USH2A: variants seen among roughly 807,000 people sequenced by gnomAD.
USH2A encodes Usher syndrome 2A (autosomal recessive, mild).
A neutral mutation model predicts 538.9 loss-of-function variants in USH2A; 443 were observed. The observed-to-expected ratio is 0.82, with a 90% CI of 0.76 to 0.89. The LOEUF (loss-of-function observed/expected upper bound fraction) is 0.89. Ranked by LOEUF, USH2A falls within the 40% of genes least tolerant of loss-of-function variation. USH2A has a pLI of 0.00. For synonymous variants in USH2A, 2,413 were observed against 2,273.5 expected (o/e 1.06, Z -1.75); for missense variants, 6,633 against 6,324.8 (o/e 1.05, Z -1.65).
intron 24 of USH2A, among the ~76,000 whole-genome samples, chr1:216,085,378 C>T (rs755321551): frequency 5.9e-5 from 9 of 151,500 alleles, no homozygotes; most frequent in Non-Finnish European, 1.2e-4. Flanking sequence ...GTAGAGGTGG[C>T]TTTATAAATA....
rs188240916 is a variant in USH2A at position 216,399,679 on chromosome 1, G to A, written c.651+18835C>T. On this transcript the variant is annotated intron_variant, in intron 3 of 71. Transcript: ENST00000307340. Reference sequence around the variant, plus strand: ...TGCAGCAACAAAGTAGTGTGAACAAGCAATGAATTTTTCCCTTCCGTGGCT... The same window carrying A: ...TGCAGCAACAAAGTAGTGTGAACAAACAATGAATTTTTCCCTTCCGTGGCT... 4.6e-5 allele frequency among the ~76,000 whole-genome samples: 7 copies of A among 152,198 alleles called. No individual in the cohort carries two copies. In the East Asian group the frequency reaches 1.4e-3, roughly 30 times the overall value.
chr1:216,289,209 G>A lies in USH2A; in HGVS notation c.1971+71C>T. ...GCAAATGCAGTCTTCAATTCTACTA[G>A]TGGAATAACATCCAAATAAGTTTCT... is the stretch of plus-strand genomic sequence containing the variant. On this transcript the variant is annotated intron_variant, in intron 11 of 71. Coordinates refer to ENST00000307340, the MANE Select transcript of USH2A (RefSeq NM_206933.4). 4 of 1,603,262 alleles carry A rather than the reference G, an allele frequency of 2.5e-6. No individual in the cohort carries two copies. The South Asian group carries it at 4.4e-5, about 18-fold the overall frequency.
At chr1:216,016,827 G>A (rs1668723414) in intron 32 of USH2A, among the ~76,000 whole-genome samples, 1 of 145,892 alleles carries the variant, frequency 6.9e-6, no homozygotes, top group South Asian at 2.3e-4. Flanking sequence ...CCAGCCTGCT[G>A]AGGGTTTTCA....
intron 21 of USH2A, among the ~76,000 whole-genome samples, chr1:216,150,883 C>T (rs1214941498): frequency 1.3e-5 from 2 of 152,162 alleles, no homozygotes; most frequent in Non-Finnish European, 2.9e-5. Context: ...TCCAACTACA[C>T]ACATCACTGA....
intron 21 of USH2A, among the ~76,000 whole-genome samples, chr1:216,141,881 C>T (rs1165071817): frequency 6.6e-6 from 1 of 150,550 alleles, no homozygotes; most frequent in Non-Finnish European, 1.5e-5. Context: ...TGAACACCTA[C>T]ATTAGACTAG....
At chr1:216,388,673 T>C (rs376944423) in intron 3 of USH2A, among the ~76,000 whole-genome samples, 44 of 152,334 alleles carry the variant, frequency 2.9e-4, no homozygotes, top group African/African-American at 8.4e-4. Flanking sequence ...CAAATGCAAA[T>C]GCAGTGTTAA....
chr1:215,650,453 GCTA>G (rs1380933573), intron 65 of USH2A, 136 bp downstream of exon 65: 1 of 985,660 alleles, frequency 1.0e-6, no homozygotes, highest in African/African-American at 1.6e-5. Flanking sequence ...GGATATTTGT[GCTA>G]CTAAGTTCAC....
chr1:215,795,386 G>C (rs1197680869), intron 50 of USH2A, among the ~76,000 whole-genome samples: 1 of 152,120 alleles, frequency 6.6e-6, no homozygotes, highest in Non-Finnish European at 1.5e-5. Context: ...CTTATGGTCT[G>C]TGTATAACCT....
chr1:215,990,760 CTTTTTTTT>C (rs35293238), intron 35 of USH2A, among the ~76,000 whole-genome samples: 23 of 114,572 alleles, frequency 2.0e-4, no homozygotes, highest in Non-Finnish European at 3.6e-4. Context: ...CTTAATTTTC[CTTTTTTTT>C]TTTTTTTTTT....
Position 216,209,959 on chromosome 1 carries a change from C to T in USH2A, c.3158-2528G>A, listed in dbSNP as rs528771340. On this transcript the variant is annotated intron_variant, in intron 15 of 71. Transcript: ENST00000307340. ...GAAACTAAAAATATACTCTAATGTT[C>T]CTCCACCTTTCTGTCTTAGAGCCGG... 1.6e-4 allele frequency among the ~76,000 whole-genome samples: 25 copies of T among 152,228 alleles called. No individual in the cohort carries two copies. The South Asian group carries it at 4.8e-3, about 29-fold the overall frequency.
chr1:215,993,761 G>A (rs1457424419), intron 34 of USH2A, among the ~76,000 whole-genome samples: 2 of 152,082 alleles, frequency 1.3e-5, no homozygotes, highest in African/African-American at 4.8e-5. Context: ...AATGTTTAAT[G>A]GCTTAAAGGA....
rs183190521 is a variant in USH2A at position 216,007,572 on chromosome 1, C to T, written c.6326-7010G>A. Among the ~76,000 whole-genome samples the T allele has an allele frequency of 2.2e-3, 331 of 152,258 alleles. 1 individual carries two copies. Among genetic ancestry groups the T allele is most frequent in the Non-Finnish European group, 3.9e-3 (262 of 68,018 alleles). ...CTGTTTTCAAGGTAGAGTCCCAGGT[C>T]GGGGGCAAGACCAGAGCAAAAAGAA... is the stretch of plus-strand genomic sequence containing the variant. On this transcript the variant is annotated intron_variant, in intron 32 of 71. Transcript: ENST00000307340.
intron 9 of USH2A, among the ~76,000 whole-genome samples, chr1:216,302,697 T>C (rs1366081020): frequency 1.3e-5 from 2 of 152,126 alleles, no homozygotes; most frequent in African/African-American, 2.4e-5. Context: ...ACTATTAATA[T>C]AAGTGGCTAT....
At chr1:215,977,861 C>A (rs1235572741) in intron 35 of USH2A, among the ~76,000 whole-genome samples, 1 of 152,152 alleles carries the variant, frequency 6.6e-6, no homozygotes, top group African/African-American at 2.4e-5. Context: ...CATGGTGGCT[C>A]ATGCCTATAA....
intron 37 of USH2A, among the ~76,000 whole-genome samples, chr1:215,957,888 A>G (rs1173038854): frequency 2.0e-5 from 3 of 152,144 alleles, no homozygotes; most frequent in African/African-American, 7.2e-5. Flanking sequence ...GTACTGCATC[A>G]CTGGAACAAT....
At chr1:215,630,801 C>T (rs1656257615) in intron 70 of USH2A, among the ~76,000 whole-genome samples, 3 of 150,728 alleles carry the variant, frequency 2.0e-5, no homozygotes, top group Non-Finnish European at 2.9e-5. Flanking sequence ...TGCAGTGAGT[C>T]GAGATCATGC....
rs201182885 is a variant in USH2A, at chr1:215,782,845, C to G, written c.10478G>C (p.Arg3493Thr). The change falls in exon 53 of 72, where the codon AGA (arginine) becomes ACA (threonine). Residue 3493 changes from arginine (R) to threonine (T), a missense_variant. Transcript: ENST00000307340. ...TCCTTGAGGCACATCTTCTTTTGTTCTGGCTCTCACAGCTTTGCTGAGTCC... is the reference window on the plus strand; with the variant it reads ...TCCTTGAGGCACATCTTCTTTTGTTGTGGCTCTCACAGCTTTGCTGAGTCC... Reference protein sequence around the residue: ...GRGLSKAVRARTKEDVPQGVS... With the variant: ...GRGLSKAVRATTKEDVPQGVS... The G allele has an allele frequency of 6.2e-7, 1 of 1,613,956 alleles. No homozygotes were observed. Among genetic ancestry groups the G allele is most frequent in the Non-Finnish European group, 8.5e-7 (1 of 1,179,926 alleles).
At chr1:215,978,043 C>G (rs547051164) in intron 35 of USH2A, among the ~76,000 whole-genome samples, 1 of 152,262 alleles carries the variant, frequency 6.6e-6, no homozygotes, top group Admixed American at 6.5e-5. Context: ...GGCAGAATCA[C>G]TCAGGCCCAG....
chr1:216,231,797 C>T (rs2035700353), intron 14 of USH2A, among the ~76,000 whole-genome samples, 156 bp downstream of exon 14: 2 of 152,148 alleles, frequency 1.3e-5, no homozygotes, highest in Admixed American at 1.3e-4. Context: ...TCGTGATCCG[C>T]CTGCCTTGGT....
Sources: allele counts gnomAD v4.1 joint callset (sites outside exome capture counted in the v4.1 genomes callset), GRCh38; gene constraint gnomAD v4.1.1; transcripts MANE v1.5; gene names NCBI Gene and HGNC (gene_info 2026-07-23, HGNC 2026-07-21).